The following MEGF11 variants were observed in gnomAD, a reference collection of about 807,000 sequenced individuals.
MEGF11 encodes multiple epidermal growth factor-like domains protein 11.
A neutral mutation model predicts 146.6 loss-of-function variants in MEGF11; 126 were observed. The observed-to-expected ratio is 0.86, with a 90% CI of 0.74 to 1.00. The LOEUF (loss-of-function observed/expected upper bound fraction) is 1.00. MEGF11 is among the 50% of genes least tolerant of loss of function. The pLI is 0.00. For synonymous variants in MEGF11, 532 were observed against 583.4 expected, an observed-to-expected ratio of 0.91 and a Z score of 1.27; for missense variants, 1,509 against 1,521.2, an observed-to-expected ratio of 0.99 and a Z score of 0.13.
chr15:65,911,148 T>C (rs2078792016), intron 21 of MEGF11, among the ~76,000 whole-genome samples: 1 of 152,256 alleles, frequency 6.6e-6, no homozygotes, highest in Non-Finnish European at 1.5e-5. Context: ...GGGAAGGTCC[T>C]GTCCAGAAGG....
intron 1 of MEGF11, among the ~76,000 whole-genome samples, chr15:66,133,803 T>C (rs1328170359): frequency 6.6e-6 from 1 of 152,138 alleles, no homozygotes. Context: ...AAAAAAAGTT[T>C]TAAAAATAAA....
intron 22 of MEGF11, among the ~76,000 whole-genome samples, chr15:65,909,413 C>T (rs1300979825): frequency 6.6e-6 from 1 of 151,940 alleles, no homozygotes; most frequent in Non-Finnish European, 1.5e-5. Flanking sequence ...GGGAAGAAGC[C>T]CTTGAAAGGA....
chr15:66,064,404 C>T (rs2085030325), intron 5 of MEGF11, among the ~76,000 whole-genome samples: 1 of 152,132 alleles, frequency 6.6e-6, no homozygotes, highest in Admixed American at 6.5e-5. Flanking sequence ...TATCAAACAA[C>T]TTCAAATCCC....
chr15:65,967,416 A>G (rs1288532534), intron 8 of MEGF11, among the ~76,000 whole-genome samples: 2 of 152,160 alleles, frequency 1.3e-5, no homozygotes, highest in Non-Finnish European at 2.9e-5. Context: ...TATATCTTCT[A>G]CAGTAATCAG....
intron 1 of MEGF11, among the ~76,000 whole-genome samples, chr15:66,169,318 C>G (rs1388527116): frequency 6.6e-6 from 1 of 152,210 alleles, no homozygotes; most frequent in African/African-American, 2.4e-5. Flanking sequence ...CAGCCCCCAG[C>G]CTCCGACCCT....
Position 65,913,810 on chromosome 15 carries a change from C to G in MEGF11, c.2637G>C (p.Lys879Asn). Residue 879 changes from lysine to asparagine, a missense_variant, in exon 20 of 26, where the codon AAG (lysine) becomes AAC (asparagine). Coordinates refer to ENST00000395614, the MANE Select transcript of MEGF11 (RefSeq NM_001385028.1). ...FAWHRRRQKE[K>N]GRDLAPRVSY... ...AGACACGGGGAGCCAGGTCTCGGCC[C>G]TTCTCTTTCTGCCGCCGCCGATGCC... 1.2e-6 allele frequency: 2 copies of G among 1,613,938 alleles called. No individual in the cohort carries two copies. Among genetic ancestry groups the G allele is most frequent in the Non-Finnish European group, 1.7e-6 (2 of 1,179,844 alleles).
intron 10 of MEGF11, among the ~76,000 whole-genome samples, chr15:65,945,355 G>C (rs1367712344): frequency 2.6e-5 from 4 of 152,196 alleles, no homozygotes; most frequent in Admixed American, 2.0e-4. Context: ...TGGGAGCTCA[G>C]GGCAGACTTC....
At chr15:66,128,226 C>G (rs2088468828) in intron 2 of MEGF11, 80 bp downstream of exon 2, 1 of 927,274 alleles carries the variant, frequency 1.1e-6, no homozygotes, top group African/African-American at 1.7e-5. Flanking sequence ...TCCTGGATCT[C>G]CTGACTGCCT....
intron 1 of MEGF11, among the ~76,000 whole-genome samples, chr15:66,210,936 A>G (rs1488719335): frequency 6.6e-6 from 1 of 152,176 alleles, no homozygotes; most frequent in Non-Finnish European, 1.5e-5. Flanking sequence ...GCAAGAAAAA[A>G]CTAGTAGTCA....
At chr15:66,057,035 T>C (rs1681165724) in intron 5 of MEGF11, among the ~76,000 whole-genome samples, 1 of 152,180 alleles carries the variant, frequency 6.6e-6, no homozygotes, top group Admixed American at 6.5e-5. Flanking sequence ...AAATAAAGAT[T>C]TTGGGCCCTT....
intron 5 of MEGF11, among the ~76,000 whole-genome samples, chr15:66,051,986 C>A (rs970893617): frequency 6.6e-6 from 1 of 152,230 alleles, no homozygotes; most frequent in Non-Finnish European, 1.5e-5. Context: ...CTCTTATTTA[C>A]TCCATCAGCA....
intron 5 of MEGF11, among the ~76,000 whole-genome samples, chr15:66,067,358 A>G (rs1004577241): frequency 6.6e-6 from 1 of 152,224 alleles, no homozygotes; most frequent in Non-Finnish European, 1.5e-5. Flanking sequence ...TCCACTGTCT[A>G]CATCTGTCAC....
chr15:66,220,731 C>A (rs2091715006), intron 1 of MEGF11, among the ~76,000 whole-genome samples: 1 of 152,076 alleles, frequency 6.6e-6, no homozygotes, highest in East Asian at 1.9e-4. Flanking sequence ...GAGACAGGGT[C>A]TCACTGTGTT....
chr15:66,227,480 G>T lies in MEGF11; in HGVS notation c.-9+26125C>A, dbSNP rs1017251979. On this transcript the variant is annotated intron_variant, in intron 1 of 25. Coordinates refer to ENST00000395614, the MANE Select transcript of MEGF11 (RefSeq NM_001385028.1). ...AAAACAGAAGTCCAGCACTTTAAAT[G>T]ATTTGTATACAAGATCACACGGCCA... Among the ~76,000 whole-genome samples, 15 of 152,266 alleles carry T rather than the reference G, an allele frequency of 9.9e-5. 1 individual carries two copies. Among genetic ancestry groups the T allele is most frequent in the Admixed American group, 7.2e-4 (11 of 15,296 alleles).
intron 1 of MEGF11, among the ~76,000 whole-genome samples, chr15:66,203,497 G>A (rs2091223814): frequency 6.6e-6 from 1 of 152,174 alleles, no homozygotes; most frequent in African/African-American, 2.4e-5. Flanking sequence ...TAAACTCTGA[G>A]TATGTGAGGG....
intron 4 of MEGF11, among the ~76,000 whole-genome samples, chr15:66,108,681 C>G (rs1216495049): frequency 2.0e-5 from 3 of 152,108 alleles, no homozygotes; most frequent in Non-Finnish European, 4.4e-5. Flanking sequence ...TTCCTGTGTA[C>G]AGGAGGAGCC....
At chr15:66,081,932 G>A (rs1398748397) in intron 5 of MEGF11, among the ~76,000 whole-genome samples, 1 of 152,172 alleles carries the variant, frequency 6.6e-6, no homozygotes, top group Non-Finnish European at 1.5e-5. Flanking sequence ...CTAAAGAAGA[G>A]ACATGAGGGA....
At chr15:66,233,488 A>G (rs58936988) in intron 1 of MEGF11, among the ~76,000 whole-genome samples, 69,925 of 152,064 alleles carry the variant, frequency 0.46, 17,029 homozygotes, top group East Asian at 0.68. Flanking sequence ...CGCCCACCTC[A>G]GTGTCCCCTA....
At chr15:65,951,170 AGAG>A (rs1282188988) in intron 10 of MEGF11, among the ~76,000 whole-genome samples, 1 of 152,214 alleles carries the variant, frequency 6.6e-6, no homozygotes, top group African/African-American at 2.4e-5. Context: ...AATTCCGAAG[AGAG>A]GAGTATTCAG....
Sources: allele counts gnomAD v4.1 joint callset (sites outside exome capture counted in the v4.1 genomes callset), GRCh38; gene constraint gnomAD v4.1.1; transcripts MANE v1.5; gene names NCBI Gene and HGNC (gene_info 2026-07-23, HGNC 2026-07-21).